Variants in LY86 observed in about 807,000 individuals in gnomAD.
The protein encoded by LY86 is MD-1, RP105-associated.
Under a neutral mutation model 17.3 loss-of-function variants are expected in LY86, and 20 were observed. The ratio of observed to expected loss-of-function variants is 1.15; its 90% CI spans 0.81 to 1.68. The LOEUF is 1.68. Among genes scored for constraint, LY86 ranks in the 40% most tolerant of loss-of-function variants. The pLI is 0.00. For synonymous variants in LY86, 74 were observed against 70.6 expected (o/e 1.05, Z -0.24); for missense variants, 200 against 191.9 (o/e 1.04, Z -0.25).
intron 3 of LY86, among the ~76,000 whole-genome samples, chr6:6,636,903 A>AG (rs2113152142): frequency 6.6e-6 from 1 of 151,912 alleles, no homozygotes; most frequent in East Asian, 1.9e-4. Flanking sequence ...AAAAAAAAAA[A>AG]AAACAGAACT....
intron 1 of LY86, among the ~76,000 whole-genome samples, chr6:6,610,602 G>C (rs1298362033): frequency 1.3e-5 from 2 of 152,178 alleles, no homozygotes; most frequent in Non-Finnish European, 2.9e-5. Flanking sequence ...TTACATGGAA[G>C]CTTCTGTCCC....
At chr6:6,626,224 T>A in intron 2 of LY86, 69 bp from the exon 3 acceptor site, 6 of 1,497,740 alleles carry the variant, frequency 4.0e-6, no homozygotes, top group Non-Finnish European at 4.6e-6. Flanking sequence ...TGCTGCTGTA[T>A]ACTGTGAATG....
At chr6:6,596,335 T>C (rs1760711828) in intron 1 of LY86, among the ~76,000 whole-genome samples, 1 of 152,320 alleles carries the variant, frequency 6.6e-6, no homozygotes, top group South Asian at 2.1e-4. Flanking sequence ...GGGAAAATGC[T>C]ACTTTCCTCA....
intron 1 of LY86, among the ~76,000 whole-genome samples, chr6:6,594,455 C>T (rs78514107): frequency 6.6e-6 from 1 of 151,914 alleles, no homozygotes; most frequent in African/African-American, 2.4e-5. Context: ...TTATGCTACT[C>T]GTGTTATAAT....
At chr6:6,588,975 C>A (rs1760442767) in intron 1 of LY86, 105 bp downstream of exon 1, 3 of 1,399,056 alleles carry the variant, frequency 2.1e-6, no homozygotes, top group Non-Finnish European at 2.9e-6. Flanking sequence ...GAGAGGGGAC[C>A]AGCAGCTGAA....
intron 1 of LY86, among the ~76,000 whole-genome samples, chr6:6,602,166 T>A (rs774605555): frequency 6.6e-6 from 1 of 152,216 alleles, no homozygotes; most frequent in Non-Finnish European, 1.5e-5. Context: ...TGTCACCACA[T>A]GAGTCCTGAA....
chr6:6,597,563 G>A (rs1323081944), intron 1 of LY86, among the ~76,000 whole-genome samples: 1 of 152,196 alleles, frequency 6.6e-6, no homozygotes, highest in African/African-American at 2.4e-5. Flanking sequence ...GCTTTGACTG[G>A]GGTTCTAGAG....
intron 1 of LY86, among the ~76,000 whole-genome samples, chr6:6,612,259 G>A (rs886521737): frequency 6.6e-5 from 10 of 152,128 alleles, no homozygotes; most frequent in African/African-American, 1.7e-4. Flanking sequence ...TCCTTCTGAT[G>A]TTCAGATGTG....
At chr6:6,594,849 A>T (rs73365321) in intron 1 of LY86, among the ~76,000 whole-genome samples, 12,396 of 152,204 alleles carry the variant, frequency 0.081, 1,406 homozygotes, top group African/African-American at 0.25. Context: ...GGATATAGAA[A>T]CTGAAGCGTA....
intron 1 of LY86, among the ~76,000 whole-genome samples, chr6:6,589,180 AATC>A (rs2113063784): frequency 6.6e-6 from 1 of 152,334 alleles, no homozygotes; most frequent in African/African-American, 2.4e-5. Context: ...GAGTCTACCA[AATC>A]ATCAAACCTC....
intron 1 of LY86, among the ~76,000 whole-genome samples, chr6:6,603,957 G>A (rs932923062): frequency 2.6e-5 from 4 of 152,118 alleles, no homozygotes; most frequent in Admixed American, 1.3e-4. Context: ...AATCTCTTGG[G>A]AAACTAAGTC....
intron 3 of LY86, among the ~76,000 whole-genome samples, chr6:6,638,655 A>T (rs961003636): frequency 3.7e-4 from 56 of 151,284 alleles, no homozygotes; most frequent in African/African-American, 1.4e-3. Context: ...ATACTGCTCT[A>T]TTTTTTTTTA....
rs186820318 is a variant in LY86 at position 6,623,024 on chromosome 6, C to T, written c.137-1902C>T. 1.1e-3 allele frequency among the ~76,000 whole-genome samples: 161 copies of T among 152,248 alleles called. 3 individuals carry two copies. Among genetic ancestry groups the T allele is most frequent in the African/African-American group, 3.6e-3 (150 of 41,536 alleles). On this transcript the variant is annotated intron_variant, in intron 1 of 4. Coordinates refer to ENST00000230568, the MANE Select transcript of LY86 (RefSeq NM_004271.4). ...TACAACATCTCCGAGTCTATATTTT[C>T]GTAACAGTAAAATGAGGTAAATCAT...
At chr6:6,594,114 C>G (rs979023678) in intron 1 of LY86, among the ~76,000 whole-genome samples, 1 of 152,234 alleles carries the variant, frequency 6.6e-6, no homozygotes, top group Non-Finnish European at 1.5e-5. Context: ...GCTTTGACAT[C>G]AACCAGGCAG....
chr6:6,637,300 C>T (rs765537356), intron 3 of LY86, among the ~76,000 whole-genome samples: 4 of 152,068 alleles, frequency 2.6e-5, no homozygotes, highest in African/African-American at 4.8e-5. Flanking sequence ...CGTGAGCCAC[C>T]GCACCTGGCC....
chr6:6,608,084 A>T (rs141573943), intron 1 of LY86, among the ~76,000 whole-genome samples: 9 of 152,380 alleles, frequency 5.9e-5, no homozygotes, highest in Non-Finnish European at 1.3e-4. Context: ...AAACATTGGA[A>T]ACGTTCCCTT....
At chr6:6,617,940 A>G (rs1274888251) in intron 1 of LY86, among the ~76,000 whole-genome samples, 1 of 152,194 alleles carries the variant, frequency 6.6e-6, no homozygotes, top group East Asian at 1.9e-4. Flanking sequence ...TCCCAGGTTC[A>G]AGCGGTTCTC....
At chr6:6,600,587 C>CAAAAAAAAAAAAAA (rs59560744) in intron 1 of LY86, among the ~76,000 whole-genome samples, 40 of 82,454 alleles carry the variant, frequency 4.9e-4, no homozygotes, top group Non-Finnish European at 6.5e-4. Flanking sequence ...GAGACTCCAT[C>CAAAAAAAAAAAAAA]AAAAAAAAAA....
chr6:6,612,063 A>G (rs1257419714), intron 1 of LY86, among the ~76,000 whole-genome samples: 1 of 152,248 alleles, frequency 6.6e-6, no homozygotes, highest in East Asian at 1.9e-4. Context: ...GATGTTAAAA[A>G]GCCAATGTAT....
Sources: allele counts gnomAD v4.1 joint callset (sites outside exome capture counted in the v4.1 genomes callset), GRCh38; gene constraint gnomAD v4.1.1; transcripts MANE v1.5; gene names NCBI Gene and HGNC (gene_info 2026-07-23, HGNC 2026-07-21).